Variants in ZNF423 observed in about 807,000 individuals in gnomAD.
The protein encoded by ZNF423 is zinc finger protein 423.
Under a neutral mutation model 95.8 loss-of-function variants are expected in ZNF423, and 12 were observed. The observed-to-expected ratio is 0.13, with a 90% CI of 0.08 to 0.20. ZNF423 has a LOEUF of 0.20. Among genes scored for constraint, ZNF423 ranks in the 10% least tolerant of loss-of-function variants. The pLI is 1.00. For missense variants in ZNF423, 1,316 were observed against 1,737.1 expected, an observed-to-expected ratio of 0.76 and a Z score of 4.31; for synonymous variants, 749 against 711.9, an observed-to-expected ratio of 1.05 and a Z score of -0.83.
chr16:49,728,146 C>G (rs1221883318), intron 3 of ZNF423, among the ~76,000 whole-genome samples: 2 of 152,100 alleles, frequency 1.3e-5, no homozygotes. Flanking sequence ...GAACACAGTT[C>G]GAAAACCACT....
At chr16:49,500,439 G>T (rs1180993453) in intron 7 of ZNF423, among the ~76,000 whole-genome samples, 1 of 152,144 alleles carries the variant, frequency 6.6e-6, no homozygotes, top group African/African-American at 2.4e-5. Flanking sequence ...TTGAAACCAG[G>T]CCCCCGTGGG....
intron 2 of ZNF423, among the ~76,000 whole-genome samples, chr16:49,732,269 T>C (rs1239859964): frequency 6.6e-6 from 1 of 152,218 alleles, no homozygotes; most frequent in Admixed American, 6.5e-5. Flanking sequence ...TCTTACAGAT[T>C]AATAAGACAC....
Position 49,627,478 on chromosome 16 carries a change from A to ACCCG in ZNF423, c.3517-1225_3517-1224insCGGG. 3.0e-5 allele frequency among the ~76,000 whole-genome samples: 4 copies of ACCCG among 134,452 alleles called. No individual in the cohort carries two copies. In the Admixed American group the frequency reaches 3.0e-4, roughly 10 times the overall value. 88.2% of individuals were successfully genotyped at this position (134,452 alleles called of 152,430 possible). On this transcript the variant is annotated intron_variant, in intron 4 of 7. Transcript: ENST00000563137. ...ATACCCACCCATCCATCCTCCATCTACCCATTCATCTGTCTATATACATAC... is the reference window on the plus strand; with the variant it reads ...ATACCCACCCATCCATCCTCCATCTACCCGCCCATTCATCTGTCTATATACATAC...
chr16:49,791,181 GCAGGATCAAGA>G (rs1271946778), intron 1 of ZNF423, among the ~76,000 whole-genome samples: 3 of 152,212 alleles, frequency 2.0e-5, no homozygotes, highest in African/African-American at 7.2e-5. Context: ...GAGTGGACAG[GCAGGATCAAGA>G]CAATGAAATG....
chr16:49,709,273 A>G (rs1246364941), intron 3 of ZNF423, among the ~76,000 whole-genome samples: 2 of 151,492 alleles, frequency 1.3e-5, no homozygotes, highest in African/African-American at 2.4e-5. Context: ...GTCTCCCCCA[A>G]CCATCCCTCG....
Position 49,638,378 on chromosome 16 carries a change from G to A in ZNF423, c.798C>T (p.Ala266=), listed in dbSNP as rs1300067380. The change falls in exon 4 of 8, where the codon GCC becomes GCT. Residue 266 remains alanine, a synonymous_variant. Coordinates refer to ENST00000563137, the MANE Select transcript of ZNF423 (RefSeq NM_001379286.1). This position sits in a 1 kb window ranked among gnomAD's most constrained non-coding sequence, Gnocchi z 5.6. The stretch of plus-strand genomic sequence containing the variant: ...AGTCGCACATGAAGTCGTCCTTCTT[G>A]GCTTCCTTCTCCGACTTGGCCAGAT... ...KEHLAKSEKE[A]KKDDFMCDYC... 2 of 1,614,010 alleles carry A rather than the reference G, an allele frequency of 1.2e-6. No homozygotes were observed. The highest frequency in any genetic ancestry group is 3.3e-5 in the Admixed American group (2 of 60,026).
intron 5 of ZNF423, among the ~76,000 whole-genome samples, chr16:49,544,741 T>C (rs1969381894): frequency 6.6e-6 from 1 of 152,264 alleles, no homozygotes; most frequent in Admixed American, 6.5e-5. Flanking sequence ...GGTGCTGGCA[T>C]GCAGCAGTGA....
intron 3 of ZNF423, among the ~76,000 whole-genome samples, chr16:49,682,096 C>A (rs1163937423): frequency 2.6e-5 from 4 of 151,894 alleles, no homozygotes; most frequent in Non-Finnish European, 4.4e-5. Context: ...TCCTCCCCTT[C>A]CCCTTCGGAA....
chr16:49,665,988 GC>G (rs2030523362), intron 3 of ZNF423, among the ~76,000 whole-genome samples: 1 of 152,154 alleles, frequency 6.6e-6, no homozygotes, highest in South Asian at 2.1e-4. Flanking sequence ...TCCCGAGTGG[GC>G]CCCGGAACAC....
At chr16:49,829,587 G>A (rs2035040968) in intron 1 of ZNF423, among the ~76,000 whole-genome samples, 1 of 152,184 alleles carries the variant, frequency 6.6e-6, no homozygotes, top group Non-Finnish European at 1.5e-5. Flanking sequence ...TACCAGCCAG[G>A]AAGGCGGCTG....
chr16:49,705,623 C>T (rs1377350950), intron 3 of ZNF423, among the ~76,000 whole-genome samples: 3 of 152,314 alleles, frequency 2.0e-5, no homozygotes, highest in East Asian at 3.9e-4. Context: ...TCTAGGCTCA[C>T]TGCAACCTCT....
intron 3 of ZNF423, among the ~76,000 whole-genome samples, chr16:49,703,743 G>A (rs892230720): frequency 2.6e-5 from 4 of 152,236 alleles, no homozygotes; most frequent in African/African-American, 4.8e-5. Flanking sequence ...AGCTGTCCTG[G>A]GTGAGAAGCT....
chr16:49,503,804 G>T (rs1385301562), intron 7 of ZNF423, among the ~76,000 whole-genome samples: 2 of 152,156 alleles, frequency 1.3e-5, no homozygotes, highest in African/African-American at 4.8e-5. Flanking sequence ...AAAACTCAAC[G>T]AGTATTTCTG....
intron 7 of ZNF423, among the ~76,000 whole-genome samples, chr16:49,516,489 C>T (rs1430986805): frequency 6.6e-6 from 1 of 152,210 alleles, no homozygotes; most frequent in Admixed American, 6.5e-5. Flanking sequence ...ACTACTCACA[C>T]CCCTGCCTTA....
At position 49,786,189 on chromosome 16, in the gene ZNF423, G is replaced by A. The variant is rs909865731; in HGVS notation, c.100+3298C>T. On this transcript the variant is annotated intron_variant, in intron 2 of 7. Coordinates refer to ENST00000563137, the MANE Select transcript of ZNF423 (RefSeq NM_001379286.1). ...GATATTGCCATGAGCTGATCATTTC[G>A]CTCCTTTCCCTGCCAGGCAAGGCCA... Among the ~76,000 whole-genome samples the A allele has an allele frequency of 2.3e-4, 35 of 152,156 alleles. 1 individual carries two copies. The highest frequency in any genetic ancestry group is 7.7e-4 in the African/African-American group (32 of 41,412).
rs962556337 is a variant in ZNF423, at chr16:49,490,557, C to G, written c.*718G>C. On this transcript the variant is annotated 3_prime_UTR_variant, in exon 8 of 8. Coordinates refer to ENST00000563137, the MANE Select transcript of ZNF423 (RefSeq NM_001379286.1). ...GAACACACCTTACAGGAGCTGACAG[C>G]CCCCCACGCGGCCCTAGGCTGGGGA... 1 of 152,672 alleles carries G rather than the reference C, an allele frequency of 6.5e-6. No individual in the cohort carries two copies. Among genetic ancestry groups the G allele is most frequent in the Admixed American group, 6.5e-5 (1 of 15,300 alleles). 9.5% of individuals were successfully genotyped at this position (152,672 alleles called of 1,614,324 possible). A position where few individuals can be genotyped will look rare whatever the true frequency, so the allele number is the denominator to read the frequency against.
chr16:49,691,102 C>T (rs545750043), intron 3 of ZNF423, among the ~76,000 whole-genome samples: 6 of 152,142 alleles, frequency 3.9e-5, no homozygotes, highest in Admixed American at 6.5e-5. Context: ...AAGAATCAGC[C>T]GACCAGGGCA....
At chr16:49,822,128 T>C (rs1452106267) in intron 1 of ZNF423, among the ~76,000 whole-genome samples, 1 of 152,050 alleles carries the variant, frequency 6.6e-6, no homozygotes, top group Non-Finnish European at 1.5e-5. Flanking sequence ...GTGGGAGTAT[T>C]TGGGCTGAAA....
chr16:49,636,283 T>G lies in ZNF423; in HGVS notation c.2893A>C (p.Lys965Gln). 6.2e-7 allele frequency: 1 copy of G among 1,612,864 alleles called. No individual in the cohort carries two copies. The highest frequency in any genetic ancestry group is 1.1e-5 in the South Asian group (1 of 91,082). ...EHLQTHRGPA[K>Q]HYMCPICGER... ...CCACAGATGGGACACATGTAGTGCT[T>G]GGCAGGGCCCCGGTGCGTCTGCAGG... is the stretch of plus-strand genomic sequence containing the variant. Residue 965 changes from lysine to glutamine, a missense_variant, in exon 4 of 8, where the codon AAG (lysine) becomes CAG (glutamine). Around this residue, in one of 6 missense-constraint regions of ZNF423, gnomAD observed 620 missense variants for 775.6 expected, o/e 0.80. Coordinates refer to ENST00000563137, the MANE Select transcript of ZNF423 (RefSeq NM_001379286.1). This position sits in a 1 kb window ranked among gnomAD's most constrained non-coding sequence, Gnocchi z 8.6.
Sources: gnomAD v4.1 joint callset for allele counts (sites outside exome capture counted in the v4.1 genomes callset) on GRCh38, gnomAD v4.1.1 for gene constraint, gnomAD v4.1.1 regional missense constraint, Gnocchi (gnomAD v3.1) non-coding constraint, MANE v1.5 for transcripts, NCBI Gene and HGNC (gene_info 2026-07-23, HGNC 2026-07-21) for gene names.